TEK: variants seen among roughly 807,000 people sequenced by gnomAD.
The protein encoded by TEK is angiopoietin-1 receptor.
A neutral mutation model predicts 131.8 loss-of-function variants in TEK; 43 were observed. That is an observed-to-expected ratio of 0.33 (90% CI 0.26 to 0.42). The LOEUF is 0.42. Ranked by LOEUF, TEK falls within the 10% of genes least tolerant of loss-of-function variation. TEK has a pLI of 1.00. For missense variants in TEK, 1,162 were observed against 1,384.4 expected (o/e 0.84, Z 2.55); for synonymous variants, 580 against 491.6 (o/e 1.18, Z -2.38).
chr9:27,203,860 A>C (rs1249204253), intron 13 of TEK, among the ~76,000 whole-genome samples: 1 of 152,248 alleles, frequency 6.6e-6, no homozygotes, highest in Non-Finnish European at 1.5e-5. Flanking sequence ...TAAAGAAAAT[A>C]CTATAACTAA....
chr9:27,226,258 T>G (rs576696749), intron 21 of TEK, among the ~76,000 whole-genome samples: 61 of 152,318 alleles, frequency 4.0e-4, no homozygotes, highest in African/African-American at 1.4e-3. Context: ...TATAAATCAT[T>G]CTACTATAAA....
chr9:27,129,918 CAT>C (rs941500220), intron 1 of TEK, among the ~76,000 whole-genome samples: 47 of 152,272 alleles, frequency 3.1e-4, no homozygotes, highest in African/African-American at 1.1e-3. Context: ...CCATAAAACT[CAT>C]AGGTAGGTTT....
chr9:27,144,645 A>T (rs1351078561), intron 1 of TEK, among the ~76,000 whole-genome samples: 1 of 152,134 alleles, frequency 6.6e-6, no homozygotes, highest in Non-Finnish European at 1.5e-5. Context: ...CAGACAAGCT[A>T]CTTCCCAAAT....
At chr9:27,192,362 CCTCT>C in intron 10 of TEK, 123 bp from the exon 11 acceptor site, 1 of 1,041,884 alleles carries the variant, frequency 9.6e-7, no homozygotes, top group Non-Finnish European at 1.5e-6. Context: ...GATGGAATTG[CCTCT>C]CTGTTTCACT....
intron 1 of TEK, among the ~76,000 whole-genome samples, chr9:27,151,138 G>A (rs1026956750): frequency 6.6e-6 from 1 of 152,154 alleles, no homozygotes; most frequent in African/African-American, 2.4e-5. Context: ...GTATCTTCTT[G>A]TTAGCTGCCC....
intron 1 of TEK, among the ~76,000 whole-genome samples, chr9:27,133,253 AT>A (rs1822289993): frequency 6.6e-6 from 1 of 152,216 alleles, no homozygotes; most frequent in African/African-American, 2.4e-5. Flanking sequence ...TATATACAAT[AT>A]TTGTTAATGA....
rs772321726 is a variant in TEK, at chr9:27,158,133, C to T, written c.355C>T (p.Arg119Cys). The T allele has an allele frequency of 1.1e-5, 18 of 1,613,950 alleles. No homozygotes were observed. The highest frequency in any genetic ancestry group is 1.0e-4 in the Admixed American group (6 of 59,998). Residue 119 changes from arginine (R) to cysteine (C), a missense_variant, in exon 2 of 23, where the codon CGT becomes TGT. This residue lies in a region of TEK where 436 missense variants were observed against 539.1 expected (regional missense o/e 0.81). Transcript: ENST00000380036. The stretch of plus-strand genomic sequence containing the variant: ...AATCAGGATACGAACCATGAAGATG[C>T]GTCAACAAGGTAACATGCCCCTAAG... The part of the protein sequence containing the change: ...EAIRIRTMKM[R>C]QQASFLPATL...
At chr9:27,185,160 C>T (rs1564083143) in intron 8 of TEK, among the ~76,000 whole-genome samples, 1 of 152,118 alleles carries the variant, frequency 6.6e-6, no homozygotes, top group Non-Finnish European at 1.5e-5. Flanking sequence ...GCAGCCATCT[C>T]TGTGTTAGAT....
intron 1 of TEK, among the ~76,000 whole-genome samples, chr9:27,128,876 G>A (rs1483775167): frequency 6.6e-6 from 1 of 152,088 alleles, no homozygotes; most frequent in Non-Finnish European, 1.5e-5. Context: ...GGAGATTTTG[G>A]GCTGAGATGA....
At chr9:27,222,737 G>A (rs1017863936) in intron 21 of TEK, among the ~76,000 whole-genome samples, 5 of 152,010 alleles carry the variant, frequency 3.3e-5, no homozygotes, top group African/African-American at 9.7e-5. Context: ...AGGAAAACCC[G>A]GTACCAGCCA....
intron 1 of TEK, among the ~76,000 whole-genome samples, chr9:27,148,305 A>T (rs1314749607): frequency 6.6e-6 from 1 of 152,230 alleles, no homozygotes; most frequent in Non-Finnish European, 1.5e-5. Context: ...GTATTTTGAG[A>T]TCTGTGGTCA....
chr9:27,219,950 C>A, intron 20 of TEK, 99 bp from the exon 21 acceptor site: 1 of 1,242,376 alleles, frequency 8.0e-7, no homozygotes, highest in Non-Finnish European at 1.2e-6. Flanking sequence ...TCTTGCCATA[C>A]CATGTCTTCC....
intron 15 of TEK, 81 bp downstream of exon 15, chr9:27,206,873 G>C: frequency 6.6e-7 from 1 of 1,505,998 alleles, no homozygotes. Flanking sequence ...TTCCTCTATG[G>C]TCTTACAAAA....
chr9:27,112,101 G>A (rs1259601474), intron 1 of TEK, among the ~76,000 whole-genome samples: 1 of 152,102 alleles, frequency 6.6e-6, no homozygotes, highest in Non-Finnish European at 1.5e-5. Context: ...GTTTCACCAT[G>A]TTGGCCAGGC....
intron 7 of TEK, among the ~76,000 whole-genome samples, chr9:27,181,764 A>G (rs1824385410): frequency 1.3e-5 from 2 of 152,244 alleles, no homozygotes; most frequent in African/African-American, 4.8e-5. Context: ...GTCGTAGAAT[A>G]TACTTTTTAA....
At chr9:27,175,372 T>C (rs946792853) in intron 6 of TEK, among the ~76,000 whole-genome samples, 12 of 150,556 alleles carry the variant, frequency 8.0e-5, no homozygotes, top group African/African-American at 2.7e-4. Flanking sequence ...CACATTTTCT[T>C]AATCCAGTCT....
At chr9:27,109,853 G>C (rs1393065409) in intron 1 of TEK, among the ~76,000 whole-genome samples, 1 of 152,072 alleles carries the variant, frequency 6.6e-6, no homozygotes, top group Non-Finnish European at 1.5e-5. Context: ...TTTGTCTTCT[G>C]GGTGATTGGC....
chr9:27,111,410 G>A (rs931967121), intron 1 of TEK, among the ~76,000 whole-genome samples: 2 of 152,134 alleles, frequency 1.3e-5, no homozygotes, highest in Admixed American at 6.5e-5. Context: ...AGCCATAGGA[G>A]CCCGTTCCTC....
intron 15 of TEK, among the ~76,000 whole-genome samples, chr9:27,207,973 G>A (rs976642180): frequency 2.6e-5 from 4 of 152,104 alleles, no homozygotes; most frequent in Non-Finnish European, 5.9e-5. Flanking sequence ...GGAGCAGTGA[G>A]GATAGTGAGA....
Sources: gnomAD v4.1 joint callset for allele counts (sites outside exome capture counted in the v4.1 genomes callset) on GRCh38, gnomAD v4.1.1 for gene constraint, gnomAD v4.1.1 regional missense constraint, MANE v1.5 for transcripts, NCBI Gene and HGNC (gene_info 2026-07-23, HGNC 2026-07-21) for gene names.